Variants in KDM5A observed in about 807,000 individuals in gnomAD.
KDM5A encodes lysine-specific demethylase 5A.
KDM5A carries 42 observed loss-of-function variants against 193.5 expected under a neutral mutation model. That is an observed-to-expected ratio of 0.22 (90% confidence interval 0.17 to 0.28). KDM5A has a LOEUF of 0.28. KDM5A is among the 10% of genes least tolerant of loss of function. The probability of loss-of-function intolerance (pLI) is 1.00; values close to 1 mark genes in which losing one functional copy is unlikely to be tolerated. For synonymous variants in KDM5A, 796 were observed against 718.1 expected, an observed-to-expected ratio of 1.11 and a Z score of -1.73; for missense variants, 1,692 against 2,055.1, an observed-to-expected ratio of 0.82 and a Z score of 3.42.
chr12:364,401 C>A (rs557943309), intron 4 of KDM5A, among the ~76,000 whole-genome samples: 1 of 151,526 alleles, frequency 6.6e-6, no homozygotes, highest in Admixed American at 6.6e-5. Context: ...CACTTGAAAC[C>A]GGGAGGCGGA....
chr12:380,274 A>AG (rs1233224136), intron 3 of KDM5A, among the ~76,000 whole-genome samples: 3 of 152,160 alleles, frequency 2.0e-5, no homozygotes, highest in African/African-American at 7.2e-5. Context: ...AAAAAAAAAA[A>AG]AAATGCAATT....
At chr12:362,871 T>C in intron 5 of KDM5A, 92 bp downstream of exon 5, 2 of 1,178,454 alleles carry the variant, frequency 1.7e-6, no homozygotes, top group South Asian at 1.2e-5. Context: ...GGCAAGAGGA[T>C]CACTTGAGCC....
At chr12:330,090 T>C (rs927683735) in intron 13 of KDM5A, among the ~76,000 whole-genome samples, 1 of 150,960 alleles carries the variant, frequency 6.6e-6, no homozygotes, top group Non-Finnish European at 1.5e-5. Context: ...TGTGTGTATA[T>C]ATATATATCT....
intron 24 of KDM5A, among the ~76,000 whole-genome samples, chr12:302,509 CA>C (rs1943455703): frequency 1.3e-5 from 2 of 152,142 alleles, no homozygotes; most frequent in South Asian, 2.1e-4. Flanking sequence ...ACACCTCACA[CA>C]AAAATTAACT....
chr12:329,299 AAGG>A, intron 13 of KDM5A: 1 of 464,376 alleles, frequency 2.2e-6, no homozygotes, highest in Non-Finnish European at 3.9e-6. Flanking sequence ...GTATATCAAG[AAGG>A]AGTTCTTTGG....
intron 5 of KDM5A, among the ~76,000 whole-genome samples, chr12:357,687 G>T (rs540316921): frequency 1.8e-4 from 27 of 151,640 alleles, no homozygotes; most frequent in Non-Finnish European, 3.4e-4. Context: ...AATTAGCCAG[G>T]CATGGTGGCG....
intron 1 of KDM5A, chr12:388,564 TAA>T: frequency 2.7e-6 from 1 of 373,286 alleles, no homozygotes; most frequent in South Asian, 2.2e-5. Context: ...AGGTCTTGAA[TAA>T]AGAGATAGCC....
chr12:371,929 G>A (rs190784271), intron 3 of KDM5A, among the ~76,000 whole-genome samples: 41 of 152,290 alleles, frequency 2.7e-4, no homozygotes, highest in African/African-American at 9.6e-4. Flanking sequence ...TATTATTTCT[G>A]AAGGCTCTGT....
intron 27 of KDM5A, among the ~76,000 whole-genome samples, chr12:288,945 C>T (rs1008384520): frequency 6.6e-6 from 1 of 152,162 alleles, no homozygotes; most frequent in Non-Finnish European, 1.5e-5. Flanking sequence ...GTATTACACA[C>T]ATTTAGGTAA....
intron 3 of KDM5A, among the ~76,000 whole-genome samples, chr12:382,305 C>T (rs1024225490): frequency 1.1e-4 from 16 of 151,902 alleles, no homozygotes; most frequent in African/African-American, 3.6e-4. Flanking sequence ...GTGGCAGGCA[C>T]CTGTAATCCC....
In KDM5A at chr12:384,048, G is replaced by T. The variant is rs1301439033; in HGVS notation, c.349C>A (p.Leu117Met). ...IPVVERKILDLYALSKIVASK... is the reference protein window; with the variant it reads ...IPVVERKILDMYALSKIVASK... ...AGCCTCACCTTGCTCAAAGCATACA[G>T]ATCCAGGATTTTTCTCTCTACCACA... Residue 117 changes from leucine (L) to methionine (M), a missense_variant, in exon 3 of 28, where the codon CTG (leucine) becomes ATG (methionine). Coordinates refer to ENST00000399788, the MANE Select transcript of KDM5A (RefSeq NM_001042603.3). 6.2e-7 allele frequency: 1 copy of T among 1,613,974 alleles called. No individual in the cohort carries two copies. The highest frequency in any genetic ancestry group is 1.1e-5 in the South Asian group (1 of 91,080).
rs562641346 is a variant in KDM5A at position 370,624 on chromosome 12, T to A, written c.367-4520A>T. On this transcript the variant is annotated intron_variant, in intron 3 of 27. Transcript: ENST00000399788. ...TGGGAACAGAGACTTTTTTTTTTTT[T>A]AATTATACTTTAAGTTCTAGGGTAG... 2.4e-4 allele frequency among the ~76,000 whole-genome samples: 36 copies of A among 152,198 alleles called. No individual in the cohort carries two copies. In the East Asian group the frequency reaches 5.8e-3, roughly 24 times the overall value.
chr12:358,763 G>A (rs770270711), intron 5 of KDM5A, among the ~76,000 whole-genome samples: 21 of 151,814 alleles, frequency 1.4e-4, no homozygotes, highest in African/African-American at 3.9e-4. Flanking sequence ...CACAAGGTCC[G>A]TAATTCAAGA....
chr12:352,082 C>T (rs553969474), intron 9 of KDM5A, 123 bp downstream of exon 9: 73 of 849,824 alleles, frequency 8.6e-5, no homozygotes, highest in African/African-American at 8.5e-4. Flanking sequence ...CCAGCCTGGG[C>T]GACAAAGCAA....
intron 10 of KDM5A, among the ~76,000 whole-genome samples, chr12:347,088 G>A (rs562857185): frequency 6.6e-6 from 1 of 152,256 alleles, no homozygotes; most frequent in East Asian, 1.9e-4. Context: ...CAAAATCAAT[G>A]TGCAAAAATC....
chr12:381,977 ATTTT>A (rs1398171911), intron 3 of KDM5A, among the ~76,000 whole-genome samples: 1 of 151,884 alleles, frequency 6.6e-6, no homozygotes, highest in African/African-American at 2.4e-5. Flanking sequence ...AGGATTATTT[ATTTT>A]TTAATTTTTT....
chr12:317,560 A>T (rs1470660165), intron 19 of KDM5A, among the ~76,000 whole-genome samples: 1 of 152,260 alleles, frequency 6.6e-6, no homozygotes, highest in African/African-American at 2.4e-5. Context: ...ACTCTGCACA[A>T]TAGTTTGCAC....
intron 27 of KDM5A, among the ~76,000 whole-genome samples, chr12:288,286 T>A (rs1407755270): frequency 6.6e-6 from 1 of 152,188 alleles, no homozygotes; most frequent in Non-Finnish European, 1.5e-5. Context: ...GATAACTGTA[T>A]AAATTGTCAT....
intron 10 of KDM5A, among the ~76,000 whole-genome samples, chr12:345,228 ATAT>A (rs1944055522): frequency 6.6e-6 from 1 of 152,204 alleles, no homozygotes; most frequent in Non-Finnish European, 1.5e-5. Flanking sequence ...ACTATCCTAA[ATAT>A]ATATGCACCC....
Sources: gnomAD v4.1 joint callset for allele counts (sites outside exome capture counted in the v4.1 genomes callset) on GRCh38, gnomAD v4.1.1 for gene constraint, MANE v1.5 for transcripts, NCBI Gene and HGNC (gene_info 2026-07-23, HGNC 2026-07-21) for gene names.